The following TRIM16 variants were observed in gnomAD, a reference collection of about 807,000 sequenced individuals.
TRIM16 encodes tripartite motif containing 16.
In TRIM16, 33 loss-of-function variants were observed where a neutral mutation model predicts 50.4. The observed-to-expected ratio is 0.65, with a 90% confidence interval of 0.50 to 0.88. TRIM16 has a LOEUF of 0.88. TRIM16 is among the 40% of genes least tolerant of loss of function. TRIM16 has a pLI of 0.00. For synonymous variants in TRIM16, 229 were observed against 270.7 expected, an observed-to-expected ratio of 0.85 and a Z score of 1.51; for missense variants, 581 against 686.8, an observed-to-expected ratio of 0.85 and a Z score of 1.72.
chr17:15,679,625 GT>G (rs1989094098), intron 4 of TRIM16, among the ~76,000 whole-genome samples: 1 of 152,204 alleles, frequency 6.6e-6, no homozygotes, highest in Non-Finnish European at 1.5e-5. Flanking sequence ...GAGACACATG[GT>G]AAGTAAGAAA....
At chr17:15,661,390 C>T (rs1988231647) in intron 6 of TRIM16, among the ~76,000 whole-genome samples, 2 of 152,204 alleles carry the variant, frequency 1.3e-5, no homozygotes, top group Admixed American at 1.3e-4. Context: ...GATCACCCTC[C>T]TCTCTCTAAA....
At chr17:15,657,174 A>C (rs1988019995) in intron 6 of TRIM16, among the ~76,000 whole-genome samples, 1 of 152,056 alleles carries the variant, frequency 6.6e-6, no homozygotes, top group African/African-American at 2.4e-5. Context: ...AATAACATAA[A>C]ATTTACCATC....
At chr17:15,664,486 G>A (rs1988387278) in intron 6 of TRIM16, among the ~76,000 whole-genome samples, 2 of 152,148 alleles carry the variant, frequency 1.3e-5, no homozygotes, top group Non-Finnish European at 2.9e-5. Context: ...CGGATCACTT[G>A]AGGTCAGGAG....
At chr17:15,664,145 G>C (rs1178701490) in intron 6 of TRIM16, among the ~76,000 whole-genome samples, 1 of 152,222 alleles carries the variant, frequency 6.6e-6, no homozygotes, top group Non-Finnish European at 1.5e-5. Context: ...ACTTAAAAAG[G>C]GAGAAAAGGG....
At chr17:15,680,804 GGA>G in intron 4 of TRIM16, 59 bp downstream of exon 4, 1 of 1,495,920 alleles carries the variant, frequency 6.7e-7, no homozygotes, top group Non-Finnish European at 8.9e-7. Flanking sequence ...TGAGAAGAGA[GGA>G]AAATCCCCAA....
chr17:15,651,383 A>T lies in TRIM16; in HGVS notation c.227T>A (p.Leu76Gln). Residue 76 changes from leucine (L) to glutamine (Q), a missense_variant, in exon 7 of 12, where the codon CTG becomes CAG. Leu to Gln is a moderately radical substitution (Grantham distance 113). This residue lies in a region of TRIM16 where 450 missense variants were observed against 544.3 expected (regional missense o/e 0.83). Transcript: ENST00000649191. ...GDPAGEGKEV[L>Q]CDFCLDDTRR... Reference sequence around the variant, plus strand: ...GGTGTCATCAAGGCAGAAGTCACACAGGACCTCTTTCCCCTCACCAGCAGG... The same window carrying T: ...GGTGTCATCAAGGCAGAAGTCACACTGGACCTCTTTCCCCTCACCAGCAGG... The T allele has an allele frequency of 6.2e-7, 1 of 1,614,226 alleles. No individual in the cohort carries two copies. Among genetic ancestry groups the T allele is most frequent in the Non-Finnish European group, 8.5e-7 (1 of 1,180,030 alleles).
rs73978506 is a variant in TRIM16, at chr17:15,663,387, A to G, written c.-337-11441T>C. ...AATATGACACACGCCCTGCCCATGA[A>G]GAGCACAGCTGCCAGTTCTATATTT... On this transcript the variant is annotated intron_variant, in intron 6 of 11. Coordinates refer to ENST00000649191, the MANE Select transcript of TRIM16 (RefSeq NM_001348119.1). Among the ~76,000 whole-genome samples the G allele has an allele frequency of 6.8e-3, 1,031 of 152,304 alleles. 10 individuals are homozygous for G. The highest frequency in any genetic ancestry group is 0.024 in the African/African-American group (988 of 41,570).
intron 9 of TRIM16, among the ~76,000 whole-genome samples, chr17:15,634,278 A>G (rs113217994): frequency 2.8e-5 from 4 of 142,806 alleles, no homozygotes; most frequent in East Asian, 2.2e-4. Flanking sequence ...TCAGTGAGCC[A>G]AGATCGTGCC....
At chr17:15,676,096 G>C (rs1280661473) in intron 6 of TRIM16, among the ~76,000 whole-genome samples, 2 of 152,026 alleles carry the variant, frequency 1.3e-5, no homozygotes, top group Admixed American at 6.5e-5. Flanking sequence ...ACTTAGAGCA[G>C]GTTTTCTCAA....
At chr17:15,636,769 CA>C (rs1986770010) in intron 8 of TRIM16, among the ~76,000 whole-genome samples, 1 of 148,546 alleles carries the variant, frequency 6.7e-6, no homozygotes, top group Non-Finnish European at 1.5e-5. Context: ...ACAGAATCCC[CA>C]TAAAATGTTT....
intron 6 of TRIM16, among the ~76,000 whole-genome samples, chr17:15,668,243 C>T (rs544453802): frequency 6.6e-6 from 1 of 152,316 alleles, no homozygotes; most frequent in African/African-American, 2.4e-5. Flanking sequence ...ATGGGGTTCA[C>T]CTCATGAGTT....
At chr17:15,640,469 TATAA>T (rs1186584269) in intron 8 of TRIM16, among the ~76,000 whole-genome samples, 1 of 148,378 alleles carries the variant, frequency 6.7e-6, no homozygotes, top group Non-Finnish European at 1.5e-5. Flanking sequence ...CATAATGGAC[TATAA>T]ATACACAGGC....
At position 15,677,609 on chromosome 17, in the gene TRIM16, T is replaced by TA. The variant is rs1296366210; in HGVS notation, c.-478dup. 9.5e-7 allele frequency: 1 copy of TA among 1,052,320 alleles called. No individual in the cohort carries two copies. Among genetic ancestry groups the TA allele is most frequent in the African/African-American group, 1.7e-5 (1 of 59,166 alleles). The allele number at this position is 1,052,320 out of a possible 1,614,324, so 65.2% of individuals were successfully genotyped here. A position where few individuals can be genotyped will look rare whatever the true frequency, so the allele number is the denominator to read the frequency against. On this transcript the variant is annotated 5_prime_UTR_variant, in exon 5 of 12. It removes the in-frame stop codon of an upstream open reading frame in the 5' UTR. Transcript: ENST00000649191. ...CCAGGTTCCTATAGTTCTCCAGCAT[T>TA]ACATCCCTGTACAAGACTCTCTGAG... is the stretch of plus-strand genomic sequence containing the variant.
intron 6 of TRIM16, among the ~76,000 whole-genome samples, chr17:15,670,410 C>T (rs182033441): frequency 5.3e-5 from 8 of 152,254 alleles, no homozygotes; most frequent in South Asian, 4.1e-4. Flanking sequence ...ATTTCCCCCA[C>T]GTCGAAGCGT....
chr17:15,644,605 T>G (rs1398840119), intron 7 of TRIM16, among the ~76,000 whole-genome samples: 1 of 152,026 alleles, frequency 6.6e-6, no homozygotes, highest in Non-Finnish European at 1.5e-5. Context: ...ATCAGGGAGA[T>G]GGGGCTGAAA....
chr17:15,658,709 CA>C (rs1244499247), intron 6 of TRIM16: 2 of 712,198 alleles, frequency 2.8e-6, no homozygotes, highest in African/African-American at 1.9e-5. Flanking sequence ...ATTCACTTTG[CA>C]ATTTTTCTCG....
intron 7 of TRIM16, among the ~76,000 whole-genome samples, chr17:15,644,596 T>C (rs1987269250): frequency 6.6e-6 from 1 of 152,060 alleles, no homozygotes; most frequent in Admixed American, 6.5e-5. Flanking sequence ...CTGGAGGAGA[T>C]CAGGGAGATG....
At chr17:15,644,116 G>A (rs919572084) in intron 7 of TRIM16, among the ~76,000 whole-genome samples, 16 of 152,138 alleles carry the variant, frequency 1.1e-4, no homozygotes, top group East Asian at 7.7e-4. Context: ...CCAGTGCAGG[G>A]TGCACACCCT....
chr17:15,668,552 C>T (rs1164308012), intron 6 of TRIM16, among the ~76,000 whole-genome samples: 1 of 152,164 alleles, frequency 6.6e-6, no homozygotes, highest in Non-Finnish European at 1.5e-5. Flanking sequence ...GTCATTCCCC[C>T]TCTTCCTCAG....
Sources: gnomAD v4.1 joint callset for allele counts (sites outside exome capture counted in the v4.1 genomes callset) on GRCh38, gnomAD v4.1.1 for gene constraint, gnomAD v4.1.1 regional missense constraint, MANE v1.5 for transcripts, NCBI Gene and HGNC (gene_info 2026-07-23, HGNC 2026-07-21) for gene names.